ATP6V1H: variants seen among roughly 807,000 people sequenced by gnomAD.
ATP6V1H encodes V-type proton ATPase subunit H.
In ATP6V1H, 39 loss-of-function variants were observed where a neutral mutation model predicts 71.7. That is an observed-to-expected ratio of 0.54 (90% confidence interval 0.42 to 0.71). ATP6V1H has a LOEUF of 0.71. Ranked by LOEUF, ATP6V1H falls within the 30% of genes least tolerant of loss-of-function variation. The pLI is 0.00. For synonymous variants in ATP6V1H, 192 were observed against 199.3 expected, an observed-to-expected ratio of 0.96 and a Z score of 0.31; for missense variants, 509 against 594.9, an observed-to-expected ratio of 0.86 and a Z score of 1.50.
At chr8:53,757,882 A>G (rs1483633806) in intron 11 of ATP6V1H, among the ~76,000 whole-genome samples, 1 of 152,240 alleles carries the variant, frequency 6.6e-6, no homozygotes. Context: ...CATAGGAAGT[A>G]AAAATGACAG....
chr8:53,726,173 G>A (rs181447320), intron 13 of ATP6V1H, among the ~76,000 whole-genome samples: 4 of 152,254 alleles, frequency 2.6e-5, no homozygotes, highest in Admixed American at 2.0e-4. Context: ...GTAAACTGCT[G>A]TATAGACATC....
At chr8:53,824,808 T>C (rs1366146519) in intron 4 of ATP6V1H, among the ~76,000 whole-genome samples, 1 of 151,822 alleles carries the variant, frequency 6.6e-6, no homozygotes, top group African/African-American at 2.4e-5. Flanking sequence ...ATTATCTGTT[T>C]TTGCAAAAAT....
intron 9 of ATP6V1H, among the ~76,000 whole-genome samples, chr8:53,781,720 A>C (rs1428879795): frequency 2.0e-5 from 3 of 151,980 alleles, no homozygotes; most frequent in Admixed American, 1.3e-4. Flanking sequence ...TTTTTGTATA[A>C]GGTGTAAGGA....
At chr8:53,798,097 CAATAT>C (rs1809799183) in intron 8 of ATP6V1H, among the ~76,000 whole-genome samples, 1 of 151,932 alleles carries the variant, frequency 6.6e-6, no homozygotes, top group Non-Finnish European at 1.5e-5. Flanking sequence ...ATATATAGCA[CAATAT>C]AATGTAAATT....
intron 9 of ATP6V1H, among the ~76,000 whole-genome samples, chr8:53,775,362 G>C (rs545030576): frequency 1.1e-4 from 17 of 152,340 alleles, no homozygotes; most frequent in African/African-American, 3.8e-4. Context: ...AAGGGGACCG[G>C]AGCGGGTTGC....
At chr8:53,831,833 A>G (rs2130525733) in intron 3 of ATP6V1H, 1 of 145,566 alleles carries the variant, frequency 6.9e-6, no homozygotes, top group African/African-American at 2.6e-5. Flanking sequence ...TCCTGACCTC[A>G]AGTGATCTGC....
chr8:53,729,253 A>T (rs1048978868), intron 13 of ATP6V1H, among the ~76,000 whole-genome samples: 2 of 152,182 alleles, frequency 1.3e-5, no homozygotes, highest in African/African-American at 4.8e-5. Context: ...ACCAGAAAAA[A>T]GTGAAGTTGA....
chr8:53,768,569 G>A (rs1808545478), intron 11 of ATP6V1H, among the ~76,000 whole-genome samples: 1 of 152,126 alleles, frequency 6.6e-6, no homozygotes. Context: ...TAAATAAAAT[G>A]TGGTCTTATC....
intron 13 of ATP6V1H, among the ~76,000 whole-genome samples, chr8:53,738,284 G>A (rs376583312): frequency 5.0e-5 from 7 of 140,522 alleles, no homozygotes; most frequent in Non-Finnish European, 7.4e-5. Context: ...GTGACAGTGC[G>A]AGACTCTGCC....
intron 11 of ATP6V1H, among the ~76,000 whole-genome samples, chr8:53,764,345 T>C (rs1034867971): frequency 1.3e-5 from 2 of 152,170 alleles, no homozygotes; most frequent in African/African-American, 4.8e-5. Context: ...CCAAACAGGA[T>C]TGAGTCCGGG....
chr8:53,831,610 A>AG (rs990037868), intron 3 of ATP6V1H, among the ~76,000 whole-genome samples: 1 of 152,236 alleles, frequency 6.6e-6, no homozygotes, highest in Non-Finnish European at 1.5e-5. Context: ...CTAGACCCAG[A>AG]GGGGGTGCTG....
intron 11 of ATP6V1H, among the ~76,000 whole-genome samples, chr8:53,758,565 T>G (rs1448537787): frequency 6.6e-6 from 1 of 152,224 alleles, no homozygotes; most frequent in African/African-American, 2.4e-5. Context: ...TGCCTCTTCT[T>G]TTTCCCTTAA....
intron 11 of ATP6V1H, among the ~76,000 whole-genome samples, chr8:53,763,368 AATAAATTTAACAAAAGAC>A (rs1426490088): frequency 1.3e-5 from 2 of 152,256 alleles, no homozygotes; most frequent in Non-Finnish European, 1.5e-5. Flanking sequence ...AATATTTAGA[AATAAATTTAACAAAAGAC>A]ATGCAAAACT....
chr8:53,749,809 T>C (rs1354886612), intron 12 of ATP6V1H, among the ~76,000 whole-genome samples: 3 of 152,138 alleles, frequency 2.0e-5, no homozygotes, highest in African/African-American at 7.2e-5. Context: ...TTTGATATTG[T>C]CACAATGTTT....
chr8:53,755,500 A>C (rs1207088384), intron 12 of ATP6V1H, among the ~76,000 whole-genome samples: 1 of 107,896 alleles, frequency 9.3e-6, no homozygotes, highest in Non-Finnish European at 1.8e-5. Context: ...TGATTAGGTT[A>C]CGGGGGGTGG....
chr8:53,813,790 C>A (rs1810359811), intron 6 of ATP6V1H, among the ~76,000 whole-genome samples: 5 of 152,180 alleles, frequency 3.3e-5, no homozygotes, highest in Admixed American at 3.3e-4. Flanking sequence ...TCCACGAAGA[C>A]ATAGAGCTAG....
intron 2 of ATP6V1H, among the ~76,000 whole-genome samples, chr8:53,835,055 C>T (rs1160919463): frequency 1.3e-5 from 2 of 151,924 alleles, no homozygotes; most frequent in Non-Finnish European, 2.9e-5. Context: ...GGCTGAGGCA[C>T]GAGGATCACT....
chr8:53,739,816 A>C (rs1304204447), intron 13 of ATP6V1H, among the ~76,000 whole-genome samples: 1 of 152,226 alleles, frequency 6.6e-6, no homozygotes, highest in Non-Finnish European at 1.5e-5. Context: ...TGGGCACAAA[A>C]AGATAAGAGC....
At chr8:53,769,835 T>C in intron 10 of ATP6V1H, 92 bp from the exon 11 acceptor site, 1 of 1,112,706 alleles carries the variant, frequency 9.0e-7, no homozygotes, top group Non-Finnish European at 1.3e-6. Flanking sequence ...TATTATTTAA[T>C]TACAAAGACT....
Sources: allele counts gnomAD v4.1 joint callset (sites outside exome capture counted in the v4.1 genomes callset), GRCh38; gene constraint gnomAD v4.1.1; transcripts MANE v1.5; gene names NCBI Gene and HGNC (gene_info 2026-07-23, HGNC 2026-07-21).